The following PHACTR2 variants were observed in gnomAD, a reference collection of about 807,000 sequenced individuals.
PHACTR2 encodes chromosome 6 open reading frame 56.
In PHACTR2, 30 loss-of-function variants were observed where a neutral mutation model predicts 76.0. The observed-to-expected ratio is 0.39, with a 90% confidence interval of 0.30 to 0.54. The LOEUF (loss-of-function observed/expected upper bound fraction) is 0.54. PHACTR2 is among the 20% of genes least tolerant of loss of function. The pLI, the probability that PHACTR2 is intolerant of heterozygous loss-of-function variation, is 0.61. For missense variants in PHACTR2, 696 were observed against 781.1 expected, an observed-to-expected ratio of 0.89 and a Z score of 1.30; for synonymous variants, 292 against 292.5, an observed-to-expected ratio of 1.00 and a Z score of 0.02.
intron 1 of PHACTR2, among the ~76,000 whole-genome samples, chr6:143,565,896 G>T (rs1365357106): frequency 6.6e-6 from 1 of 152,128 alleles, no homozygotes; most frequent in African/African-American, 2.4e-5. Context: ...GAGCAGAGGA[G>T]TGAACTGACC....
chr6:143,678,022 C>T lies in PHACTR2; in HGVS notation c.-142C>T. The T allele has an allele frequency of 1.3e-6, 2 of 1,486,684 alleles. No homozygotes were observed. The highest frequency in any genetic ancestry group is 1.8e-6 in the Non-Finnish European group (2 of 1,114,850). 92.1% of individuals were successfully genotyped at this position (1,486,684 alleles called of 1,614,324 possible). On this transcript the variant is annotated 5_prime_UTR_variant, in exon 1 of 13. Transcript: ENST00000440869. The surrounding 1 kb of genome is among the most constrained non-coding windows in gnomAD (Gnocchi z 6.2). ...GGCCGGCCGGGCTGGGAGACCCGCG[C>T]GGGGTAGAAGGTGAGGGGACCCGGC...
intron 1 of PHACTR2, among the ~76,000 whole-genome samples, chr6:143,568,513 C>T (rs1775395011): frequency 6.6e-6 from 1 of 152,168 alleles, no homozygotes; most frequent in South Asian, 2.1e-4. Flanking sequence ...AGGCTGTGCT[C>T]CAGCTGCTGG....
intron 1 of PHACTR2, among the ~76,000 whole-genome samples, chr6:143,694,317 T>C (rs184248293): frequency 1.3e-5 from 2 of 152,312 alleles, no homozygotes; most frequent in African/African-American, 4.8e-5. Context: ...ATTATGTTTC[T>C]GCCATTGTGT....
chr6:143,602,155 C>T lies in PHACTR2; in HGVS notation c.217+64948C>T, dbSNP rs1775820675. Among the ~76,000 whole-genome samples, 1 of 152,182 alleles carries T rather than the reference C, an allele frequency of 6.6e-6. No homozygotes were observed. The highest frequency in any genetic ancestry group is 1.5e-5 in the Non-Finnish European group (1 of 68,040). On this transcript the variant is annotated intron_variant, in intron 1 of 11. Coordinates refer to the PHACTR2 transcript ENST00000367584. This position sits in a 1 kb window ranked among gnomAD's most constrained non-coding sequence, Gnocchi z 6.1. ...GTTTTGTTTTCACTCTCGCTCTCCCCCTCCCTAATAGTTTTATGGTTTTGA... is the reference window on the plus strand; with the variant it reads ...GTTTTGTTTTCACTCTCGCTCTCCCTCTCCCTAATAGTTTTATGGTTTTGA...
intron 1 of PHACTR2, among the ~76,000 whole-genome samples, chr6:143,538,313 G>C (rs1315053675): frequency 6.6e-6 from 1 of 152,202 alleles, no homozygotes; most frequent in Non-Finnish European, 1.5e-5. Context: ...GGGAATCATA[G>C]TATGGTACCA....
Position 143,618,183 on chromosome 6 carries a change from T to G in PHACTR2, c.13+9861T>G, listed in dbSNP as rs1044006418. ...CGATGCTATATTTGCTGTATCCATG[T>G]GACTTACCACAGGCGCCCTGCTTTT... is the stretch of plus-strand genomic sequence containing the variant. On this transcript the variant is annotated intron_variant, in intron 1 of 11. Coordinates refer to the PHACTR2 transcript ENST00000305766. This position sits in a 1 kb window ranked among gnomAD's most constrained non-coding sequence, Gnocchi z 5.2. Among the ~76,000 whole-genome samples, 1 of 152,076 alleles carries G rather than the reference T, an allele frequency of 6.6e-6. No individual in the cohort carries two copies. The highest frequency in any genetic ancestry group is 2.4e-5 in the African/African-American group (1 of 41,380).
In PHACTR2 at chr6:143,709,322, T is replaced by C. The variant is rs1400759839; in HGVS notation, c.47-2694T>C. On this transcript the variant is annotated intron_variant, in intron 1 of 12. Transcript: ENST00000440869. The surrounding 1 kb of genome is among the most constrained non-coding windows in gnomAD (Gnocchi z 4.4). ...CAGTGTCTGCCCATCTCTGCCCAGA[T>C]AGTACCTGAAATTAGAGTAGACTTC... is the stretch of plus-strand genomic sequence containing the variant. Among the ~76,000 whole-genome samples the C allele has an allele frequency of 1.3e-5, 2 of 152,186 alleles. No individual in the cohort carries two copies. The highest frequency in any genetic ancestry group is 2.9e-5 in the Non-Finnish European group (2 of 68,030).
In PHACTR2 at chr6:143,543,050, T is replaced by C. The variant is rs536601095; in HGVS notation, c.217+5843T>C. ...TGATTCTGTGATTCTGGAGTTAGACTGAAAGCAGAGAGGATACTCAGAAAG... is the reference window on the plus strand; with the variant it reads ...TGATTCTGTGATTCTGGAGTTAGACCGAAAGCAGAGAGGATACTCAGAAAG... On this transcript the variant is annotated intron_variant, in intron 1 of 11. Coordinates refer to the PHACTR2 transcript ENST00000367584. The surrounding 1 kb of genome is among the most constrained non-coding windows in gnomAD (Gnocchi z 4.7). 2.6e-5 allele frequency among the ~76,000 whole-genome samples: 4 copies of C among 152,306 alleles called. No homozygotes were observed. The East Asian group carries it at 7.7e-4, about 29-fold the overall frequency.
chr6:143,635,956 C>A (rs1179430500), intron 1 of PHACTR2, among the ~76,000 whole-genome samples: 1 of 152,104 alleles, frequency 6.6e-6, no homozygotes, highest in African/African-American at 2.4e-5. Flanking sequence ...GCCTGTAATT[C>A]CAGCACTTTG....
At chr6:143,711,195 A>AT (rs1445749600) in intron 1 of PHACTR2, 4 of 352,460 alleles carry the variant, frequency 1.1e-5, no homozygotes, top group East Asian at 7.9e-5. Flanking sequence ...TACTGTTTTG[A>AT]TTTTTTCTTT....
At position 143,828,209 on chromosome 6, in the gene PHACTR2, G is replaced by A. The variant is rs1408892084; in HGVS notation, c.*4520G>A. 1 of 152,096 alleles carries A rather than the reference G, an allele frequency of 6.6e-6. No homozygotes were observed. The highest frequency in any genetic ancestry group is 6.6e-5 in the Admixed American group (1 of 15,250). 9.4% of individuals were successfully genotyped at this position (152,096 alleles called of 1,614,324 possible). A position where few individuals can be genotyped will look rare whatever the true frequency, so the allele number is the denominator to read the frequency against. ...AATAAAATATGTCCTCCAGGGAAAA[G>A]CAATGACAGAGTAATCACCAAATTA... On this transcript the variant is annotated 3_prime_UTR_variant, in exon 13 of 13. Coordinates refer to ENST00000440869, the MANE Select transcript of PHACTR2 (RefSeq NM_001100164.2). The surrounding 1 kb of genome is among the most constrained non-coding windows in gnomAD (Gnocchi z 4.7).
At position 143,633,436 on chromosome 6, in the gene PHACTR2, G is replaced by C. The variant is rs1776398847; in HGVS notation, c.13+25114G>C. On this transcript the variant is annotated intron_variant, in intron 1 of 11. Coordinates refer to the PHACTR2 transcript ENST00000305766. This position sits in a 1 kb window ranked among gnomAD's most constrained non-coding sequence, Gnocchi z 4.1. ...CTTTGGTGAGGTCTTCCTTTTTAGTGAGGACCTCTTTAGAGAGACCTTCTG... is the reference window on the plus strand; with the variant it reads ...CTTTGGTGAGGTCTTCCTTTTTAGTCAGGACCTCTTTAGAGAGACCTTCTG... 6.6e-6 allele frequency among the ~76,000 whole-genome samples: 1 copy of C among 152,112 alleles called. No individual in the cohort carries two copies. The highest frequency in any genetic ancestry group is 1.5e-5 in the Non-Finnish European group (1 of 68,006).
In PHACTR2 at chr6:143,700,017, C is replaced by T. The variant is rs181993028; in HGVS notation, c.47-11999C>T. Among the ~76,000 whole-genome samples, 36 of 152,252 alleles carry T rather than the reference C, an allele frequency of 2.4e-4. No homozygotes were observed. The highest frequency in any genetic ancestry group is 2.1e-3 in the East Asian group (11 of 5,176). On this transcript the variant is annotated intron_variant, in intron 1 of 12. Transcript: ENST00000440869. The surrounding 1 kb of genome is among the most constrained non-coding windows in gnomAD (Gnocchi z 4.1). ...TTGTCCGGGATACTACATGTGGCCACGGTCTCTCCACAGATACCGGCCTTG... is the reference window on the plus strand; with the variant it reads ...TTGTCCGGGATACTACATGTGGCCATGGTCTCTCCACAGATACCGGCCTTG...
intron 1 of PHACTR2, among the ~76,000 whole-genome samples, chr6:143,687,074 C>T (rs151172385): frequency 1.8e-4 from 28 of 151,926 alleles, no homozygotes; most frequent in Middle Eastern, 3.4e-3. Context: ...TTAGTCTGTT[C>T]GATAATAATG....
rs138616723 is a variant in PHACTR2 at position 143,558,724 on chromosome 6, T to C, written c.217+21517T>C. ...TCCAATGCGAGGAGGTAGAGATCGT[T>C]TTACAAAGTCGAGCTCATGCTCTTT... is the stretch of plus-strand genomic sequence containing the variant. On this transcript the variant is annotated intron_variant, in intron 1 of 11. Coordinates refer to the PHACTR2 transcript ENST00000367584. The surrounding 1 kb of genome is among the most constrained non-coding windows in gnomAD (Gnocchi z 4.7). Among the ~76,000 whole-genome samples, 364 of 152,296 alleles carry C rather than the reference T, an allele frequency of 2.4e-3. 2 individuals carry two copies. The highest frequency in any genetic ancestry group is 8.3e-3 in the African/African-American group (344 of 41,564).
intron 1 of PHACTR2, among the ~76,000 whole-genome samples, chr6:143,638,959 G>T (rs1169003948): frequency 6.6e-6 from 1 of 152,162 alleles, no homozygotes; most frequent in African/African-American, 2.4e-5. Context: ...GTAATTTAGA[G>T]TGTTCGTAGC....
rs1238774476 is a variant in PHACTR2, at chr6:143,710,754, T to G, written c.47-1262T>G. 6.6e-6 allele frequency among the ~76,000 whole-genome samples: 1 copy of G among 152,238 alleles called. No individual in the cohort carries two copies. The highest frequency in any genetic ancestry group is 1.9e-4 in the East Asian group (1 of 5,196). ...GGAAGCAGAAGTCCTTGCTCTTCAATTTTTGTTTTTATTTGTTTTACTATG... is the reference window on the plus strand; with the variant it reads ...GGAAGCAGAAGTCCTTGCTCTTCAAGTTTTGTTTTTATTTGTTTTACTATG... On this transcript the variant is annotated intron_variant, in intron 1 of 12. Coordinates refer to ENST00000440869, the MANE Select transcript of PHACTR2 (RefSeq NM_001100164.2). This position sits in a 1 kb window ranked among gnomAD's most constrained non-coding sequence, Gnocchi z 4.9.
intron 1 of PHACTR2, among the ~76,000 whole-genome samples, chr6:143,579,057 C>T (rs11970358): frequency 0.28 from 42,818 of 151,726 alleles, 6,000 homozygotes; most frequent in Middle Eastern, 0.41. Flanking sequence ...GTGCATGCCA[C>T]CACACCTGGC....
rs964508246 is a variant in PHACTR2 at position 143,656,179 on chromosome 6, G to T, written c.13+47857G>T. 6.6e-6 allele frequency among the ~76,000 whole-genome samples: 1 copy of T among 152,172 alleles called. No individual in the cohort carries two copies. The highest frequency in any genetic ancestry group is 1.5e-5 in the Non-Finnish European group (1 of 68,030). On this transcript the variant is annotated intron_variant, in intron 1 of 11. Transcript: ENST00000305766. The surrounding 1 kb of genome is among the most constrained non-coding windows in gnomAD (Gnocchi z 5.3). ...GAGACTTCTAGCAGGGTTGTCTGGT[G>T]GGACATGCCCTGGGATATGGGGTCA... is the stretch of plus-strand genomic sequence containing the variant.
Sources: gnomAD v4.1 joint callset for allele counts (sites outside exome capture counted in the v4.1 genomes callset) on GRCh38, gnomAD v4.1.1 for gene constraint, Gnocchi (gnomAD v3.1) non-coding constraint, MANE v1.5 for transcripts, NCBI Gene and HGNC (gene_info 2026-07-23, HGNC 2026-07-21) for gene names.